Variants in MCPH1 observed in about 807,000 individuals in gnomAD.
MCPH1 encodes the protein microcephalin.
In MCPH1, 104 loss-of-function variants were observed where a neutral mutation model predicts 84.5. The observed-to-expected ratio is 1.23, with a 90% CI of 1.05 to 1.45. The LOEUF is 1.45. Ranked by LOEUF, MCPH1 falls within the 40% of genes most tolerant of loss-of-function variation. The pLI is 0.00. For missense variants in MCPH1, 1,498 were observed against 1,005.7 expected (o/e 1.49, Z -6.62); for synonymous variants, 514 against 366.8 (o/e 1.40, Z -4.58).
chr8:6,581,737 C>G (rs552358782), intron 12 of MCPH1, among the ~76,000 whole-genome samples: 3 of 152,288 alleles, frequency 2.0e-5, no homozygotes, highest in Non-Finnish European at 4.4e-5. Context: ...GCTGTAACAA[C>G]ATATCATTCA....
chr8:6,453,720 T>A (rs1285626563), intron 8 of MCPH1, among the ~76,000 whole-genome samples: 1 of 152,194 alleles, frequency 6.6e-6, no homozygotes, highest in Non-Finnish European at 1.5e-5. Flanking sequence ...TTATTTTTAA[T>A]CTTAAAGACG....
chr8:6,546,731 G>C (rs1205188712), intron 12 of MCPH1, among the ~76,000 whole-genome samples: 3 of 152,148 alleles, frequency 2.0e-5, no homozygotes, highest in African/African-American at 7.2e-5. Context: ...AACTAGCCTA[G>C]AAGCTTGCAC....
chr8:6,477,551 T>G lies in MCPH1; in HGVS notation c.1936-43T>G, dbSNP rs41311412. 134,219 of 1,570,398 alleles carry G rather than the reference T, an allele frequency of 0.085. 6,513 individuals are homozygous for G. Among genetic ancestry groups the G allele is most frequent in the Non-Finnish European group, 0.1 (113,798 of 1,143,592 alleles). On this transcript the variant is annotated intron_variant, in intron 9 of 13. Transcript: ENST00000344683. Reference sequence around the variant, plus strand: ...ATTTCTGTGGGAAAAATATTTTTTATGTTTTTGACTGTTTTTTGTTCCTTC... The same window carrying G: ...ATTTCTGTGGGAAAAATATTTTTTAGGTTTTTGACTGTTTTTTGTTCCTTC...
chr8:6,493,108 T>A (rs1810836575), intron 11 of MCPH1, among the ~76,000 whole-genome samples: 1 of 152,242 alleles, frequency 6.6e-6, no homozygotes, highest in South Asian at 2.1e-4. Flanking sequence ...TATATTTATT[T>A]CTTTGTTTTC....
chr8:6,464,084 T>C (rs1806575950), intron 9 of MCPH1, among the ~76,000 whole-genome samples: 1 of 152,254 alleles, frequency 6.6e-6, no homozygotes, highest in Non-Finnish European at 1.5e-5. Context: ...AATATCCATG[T>C]AAATCATTTC....
intron 4 of MCPH1, among the ~76,000 whole-genome samples, chr8:6,435,403 G>T (rs1302939643): frequency 6.6e-6 from 1 of 152,166 alleles, no homozygotes; most frequent in Non-Finnish European, 1.5e-5. Context: ...GCCTCCCTGA[G>T]GTGGGGGCTC....
At chr8:6,491,344 C>G (rs984393284) in intron 11 of MCPH1, among the ~76,000 whole-genome samples, 1 of 147,644 alleles carries the variant, frequency 6.8e-6, no homozygotes, top group South Asian at 2.1e-4. Flanking sequence ...CCACTTACTT[C>G]GATAAACAGA....
chr8:6,576,795 G>A (rs1269257036), intron 12 of MCPH1, among the ~76,000 whole-genome samples: 5 of 136,704 alleles, frequency 3.7e-5, no homozygotes, highest in Non-Finnish European at 6.1e-5. Context: ...TGATCCGTCC[G>A]CAGGTGAGCC....
At chr8:6,544,772 AAG>A (rs1822249440) in intron 12 of MCPH1, among the ~76,000 whole-genome samples, 1 of 152,208 alleles carries the variant, frequency 6.6e-6, no homozygotes, top group South Asian at 2.1e-4. Context: ...TTTGCCATAA[AAG>A]AGCCTCCCTT....
chr8:6,567,741 C>T (rs1187373664), intron 12 of MCPH1, among the ~76,000 whole-genome samples: 1 of 152,148 alleles, frequency 6.6e-6, no homozygotes, highest in Non-Finnish European at 1.5e-5. Flanking sequence ...TCTGAGGCCA[C>T]CCATCTGGGA....
chr8:6,438,309 A>G (rs1289605810), intron 5 of MCPH1, among the ~76,000 whole-genome samples: 1 of 152,248 alleles, frequency 6.6e-6, no homozygotes, highest in African/African-American at 2.4e-5. Context: ...GAACTACAGT[A>G]AGGGTGATTC....
intron 12 of MCPH1, among the ~76,000 whole-genome samples, chr8:6,526,669 A>T (rs1255557800): frequency 6.6e-6 from 1 of 152,252 alleles, no homozygotes; most frequent in African/African-American, 2.4e-5. Flanking sequence ...GTAAAGAACA[A>T]TTATTGAACA....
chr8:6,574,899 A>C (rs977185627), intron 12 of MCPH1, among the ~76,000 whole-genome samples: 1 of 152,210 alleles, frequency 6.6e-6, no homozygotes, highest in Non-Finnish European at 1.5e-5. Flanking sequence ...AAAGTGATGA[A>C]AGATATCAAG....
At chr8:6,447,430 T>C (rs1328694874) in intron 8 of MCPH1, 1 of 985,224 alleles carries the variant, frequency 1.0e-6, no homozygotes, top group African/African-American at 1.7e-5. Flanking sequence ...CTTTTACTTG[T>C]TGCTGTTGTC....
chr8:6,432,872 A>G (rs1472506472), intron 4 of MCPH1, among the ~76,000 whole-genome samples: 1 of 152,254 alleles, frequency 6.6e-6, no homozygotes, highest in African/African-American at 2.4e-5. Context: ...AAAACACATC[A>G]GTAGTACATA....
At chr8:6,464,636 G>A (rs1024890287) in intron 9 of MCPH1, among the ~76,000 whole-genome samples, 1 of 152,194 alleles carries the variant, frequency 6.6e-6, no homozygotes, top group Non-Finnish European at 1.5e-5. Context: ...GGCCACCGAC[G>A]GAGGACATTT....
Position 6,521,508 on chromosome 8 carries a change from T to C in MCPH1, c.2214+21579T>C, listed in dbSNP as rs1259476634. 1.1e-5 allele frequency: 10 copies of C among 885,354 alleles called. No individual in the cohort carries two copies. The Admixed American group carries it at 1.2e-4, about 10-fold the overall frequency. 54.8% of individuals were successfully genotyped at this position (885,354 alleles called of 1,614,324 possible). ...TTCTCCAAGGTACTCTGTTAAGATA[T>C]TGTAGTGGTTATAAAGTAATATGAT... On this transcript the variant is annotated intron_variant, in intron 12 of 13. Transcript: ENST00000344683.
At chr8:6,586,640 A>T (rs184141229) in intron 12 of MCPH1, among the ~76,000 whole-genome samples, 48 of 152,332 alleles carry the variant, frequency 3.2e-4, no homozygotes, top group Non-Finnish European at 6.2e-4. Flanking sequence ...ACAGTGAGAG[A>T]CGGCCAGGAG....
intron 9 of MCPH1, among the ~76,000 whole-genome samples, chr8:6,473,664 A>G (rs542078576): frequency 6.6e-6 from 1 of 152,286 alleles, no homozygotes; most frequent in South Asian, 2.1e-4. Context: ...TATTTGTTGT[A>G]TTTCATATGT....
Sources: gnomAD v4.1 joint callset for allele counts (sites outside exome capture counted in the v4.1 genomes callset) on GRCh38, gnomAD v4.1.1 for gene constraint, MANE v1.5 for transcripts, NCBI Gene and HGNC (gene_info 2026-07-23, HGNC 2026-07-21) for gene names.